The following CLSTN2 variants were observed in gnomAD, a reference collection of about 807,000 sequenced individuals.
CLSTN2 encodes calsyntenin-2.
Under a neutral mutation model 101.2 loss-of-function variants are expected in CLSTN2, and 48 were observed. The ratio of observed to expected loss-of-function variants is 0.47; its 90% CI spans 0.38 to 0.60. The LOEUF (loss-of-function observed/expected upper bound fraction) is 0.60. Ranked by LOEUF, CLSTN2 falls within the 20% of genes least tolerant of loss-of-function variation. The pLI is 0.00. For missense variants in CLSTN2, 1,160 were observed against 1,238.2 expected (o/e 0.94, Z 0.95); for synonymous variants, 481 against 463.6 (o/e 1.04, Z -0.48).
intron 2 of CLSTN2, among the ~76,000 whole-genome samples, chr3:140,216,015 G>A (rs917377359): frequency 1.6e-4 from 25 of 152,162 alleles, no homozygotes; most frequent in African/African-American, 5.8e-4. Context: ...GGAACTGCAC[G>A]GGACAGCAGG....
At chr3:140,214,756 G>A (rs2010900406) in intron 2 of CLSTN2, among the ~76,000 whole-genome samples, 1 of 152,202 alleles carries the variant, frequency 6.6e-6, no homozygotes, top group Non-Finnish European at 1.5e-5. Flanking sequence ...TGAGAACAGG[G>A]AAAATACAGC....
At chr3:140,383,442 G>A (rs1395664111) in intron 2 of CLSTN2, among the ~76,000 whole-genome samples, 1 of 152,138 alleles carries the variant, frequency 6.6e-6, no homozygotes, top group Middle Eastern at 3.2e-3. Context: ...GGAAGTTCTG[G>A]ACCAAATACT....
chr3:140,334,272 C>A (rs1197587027), intron 2 of CLSTN2, among the ~76,000 whole-genome samples: 1 of 152,180 alleles, frequency 6.6e-6, no homozygotes, highest in Admixed American at 6.5e-5. Flanking sequence ...TACAGAAAAG[C>A]TTTCTAGATA....
At chr3:139,975,872 C>A (rs886150002) in intron 1 of CLSTN2, among the ~76,000 whole-genome samples, 3 of 152,182 alleles carry the variant, frequency 2.0e-5, no homozygotes, top group Non-Finnish European at 4.4e-5. Flanking sequence ...GCATTGGGTT[C>A]TTGCAGCCTG....
intron 13 of CLSTN2, 82 bp downstream of exon 13, chr3:140,562,390 C>T (rs1935935133): frequency 4.4e-6 from 6 of 1,348,852 alleles, no homozygotes; most frequent in Non-Finnish European, 6.1e-6. Flanking sequence ...TGAGATTGCA[C>T]CTGTGAAGGA....
chr3:140,404,407 G>C (rs542987090), intron 3 of CLSTN2, 151 bp from the exon 4 acceptor site: 28 of 673,500 alleles, frequency 4.2e-5, no homozygotes, highest in Admixed American at 6.8e-5. Context: ...CAGTGAGAGG[G>C]AGGATGGGAC....
intron 1 of CLSTN2, among the ~76,000 whole-genome samples, chr3:140,048,770 C>T (rs553298658): frequency 1.3e-5 from 2 of 152,276 alleles, no homozygotes; most frequent in South Asian, 4.1e-4. Context: ...CCTGTAAATT[C>T]CAGGTGCACT....
At chr3:140,144,548 G>A (rs773574254) in intron 1 of CLSTN2, among the ~76,000 whole-genome samples, 11 of 152,036 alleles carry the variant, frequency 7.2e-5, no homozygotes, top group Non-Finnish European at 1.5e-4. Flanking sequence ...CCCAGGAGGC[G>A]TAGGTTGCAG....
rs546720996 is a variant in CLSTN2, at chr3:140,413,621, TCTGATGA to T, written c.638-7503_638-7497del. 4.7e-4 allele frequency among the ~76,000 whole-genome samples: 71 copies of T among 152,212 alleles called. 1 individual carries two copies. Among genetic ancestry groups the T allele is most frequent in the Middle Eastern group, 6.8e-3 (2 of 294 alleles). On this transcript the variant is annotated intron_variant, in intron 4 of 16. Coordinates refer to ENST00000458420, the MANE Select transcript of CLSTN2 (RefSeq NM_022131.3). Reference sequence around the variant, plus strand: ...GAAAAGAAAATTACAGGCCAATATTTCTGATGAGCATAGATGCAAAAATAGTCCTCAA... The same window carrying T: ...GAAAAGAAAATTACAGGCCAATATTTGCATAGATGCAAAAATAGTCCTCAA...
In CLSTN2 at chr3:140,288,130, C is replaced by T. The variant is rs4142784; in HGVS notation, c.232+112057C>T. 5.4e-3 allele frequency among the ~76,000 whole-genome samples: 123 copies of T among 22,794 alleles called. 1 individual carries two copies. The highest frequency in any genetic ancestry group is 0.011 in the African/African-American group (117 of 10,244). The allele number at this position is 22,794 out of a possible 152,430, so 15.0% of individuals were successfully genotyped here. ...CAGTCTCAGCAGAACAGGAAACCGG[C>T]GGGGGGGGTCAGAAATGGGTGTGGA... is the stretch of plus-strand genomic sequence containing the variant. On this transcript the variant is annotated intron_variant, in intron 2 of 16. Coordinates refer to ENST00000458420, the MANE Select transcript of CLSTN2 (RefSeq NM_022131.3).
intron 2 of CLSTN2, among the ~76,000 whole-genome samples, chr3:140,286,905 C>T (rs2107900364): frequency 6.6e-6 from 1 of 152,140 alleles, no homozygotes; most frequent in African/African-American, 2.4e-5. Flanking sequence ...AACAGAAGCA[C>T]AGAAGCTGGA....
At chr3:140,180,406 A>T (rs141431631) in intron 2 of CLSTN2, among the ~76,000 whole-genome samples, 1 of 152,236 alleles carries the variant, frequency 6.6e-6, no homozygotes. Flanking sequence ...AGTCAAGTCC[A>T]CTAGACTTGT....
At chr3:140,309,971 C>T (rs1028845620) in intron 2 of CLSTN2, among the ~76,000 whole-genome samples, 1 of 152,274 alleles carries the variant, frequency 6.6e-6, no homozygotes, top group East Asian at 1.9e-4. Flanking sequence ...GTTCCCCAGT[C>T]ATCCTGCTAG....
chr3:140,305,862 A>G (rs2087109633), intron 2 of CLSTN2, among the ~76,000 whole-genome samples: 1 of 152,118 alleles, frequency 6.6e-6, no homozygotes, highest in Non-Finnish European at 1.5e-5. Flanking sequence ...CAGGACTGAC[A>G]CTAAAAACTG....
chr3:140,142,201 T>C (rs58668644), intron 1 of CLSTN2, among the ~76,000 whole-genome samples: 2,074 of 152,292 alleles, frequency 0.014, 49 homozygotes, highest in African/African-American at 0.048. Flanking sequence ...CCAACTTGGC[T>C]CATGTTGCTT....
chr3:140,246,973 C>T (rs146079769), intron 2 of CLSTN2, among the ~76,000 whole-genome samples: 71 of 152,252 alleles, frequency 4.7e-4, no homozygotes, highest in African/African-American at 1.5e-3. Flanking sequence ...AATCAGGATT[C>T]CTGGTGCTCA....
intron 2 of CLSTN2, among the ~76,000 whole-genome samples, chr3:140,330,653 G>C (rs939370330): frequency 3.3e-5 from 5 of 152,150 alleles, no homozygotes; most frequent in African/African-American, 1.2e-4. Flanking sequence ...CCAAGATAAA[G>C]GTTCACCATA....
At chr3:140,426,642 G>A (rs1418004671) in intron 5 of CLSTN2, among the ~76,000 whole-genome samples, 1 of 152,168 alleles carries the variant, frequency 6.6e-6, no homozygotes, top group African/African-American at 2.4e-5. Context: ...TTTAAGGGCA[G>A]GGTCTTAGTA....
At chr3:140,485,614 C>A (rs969618687) in intron 8 of CLSTN2, among the ~76,000 whole-genome samples, 2 of 152,194 alleles carry the variant, frequency 1.3e-5, no homozygotes, top group African/African-American at 2.4e-5. Flanking sequence ...CCAGTTCGAG[C>A]TTCCCGGCTG....
Sources: gnomAD v4.1 joint callset for allele counts (sites outside exome capture counted in the v4.1 genomes callset) on GRCh38, gnomAD v4.1.1 for gene constraint, MANE v1.5 for transcripts, NCBI Gene and HGNC (gene_info 2026-07-23, HGNC 2026-07-21) for gene names.